The following HMGXB3 variants were observed in gnomAD, a reference collection of about 807,000 sequenced individuals.
HMGXB3 encodes HMG domain-containing protein 3.
In HMGXB3, 45 loss-of-function variants were observed where a neutral mutation model predicts 121.5. That is an observed-to-expected ratio of 0.37 (90% confidence interval 0.29 to 0.47). The LOEUF (loss-of-function observed/expected upper bound fraction) is 0.47. HMGXB3 is among the 20% of genes least tolerant of loss of function. The pLI, the probability that HMGXB3 is intolerant of heterozygous loss-of-function variation, is 0.99. For missense variants in HMGXB3, 1,376 were observed against 1,602.2 expected (o/e 0.86, Z 2.41); for synonymous variants, 590 against 624.1 (o/e 0.95, Z 0.81).
rs1013293942 is a variant in HMGXB3 at position 150,033,636 on chromosome 5, T to C, written c.1983+1033T>C. Among the ~76,000 whole-genome samples, 53 of 152,068 alleles carry C rather than the reference T, an allele frequency of 3.5e-4. 3 individuals are homozygous for C. Among genetic ancestry groups the C allele is most frequent in the Non-Finnish European group, 1.3e-4 (9 of 68,016 alleles). On this transcript the variant is annotated intron_variant, in intron 11 of 19. Transcript: ENST00000502717. ...TGGAACCATGTCATGGAAGGTCTTGTCAGTTTGTTCTTTAGTCAGTGGGGT... is the reference window on the plus strand; with the variant it reads ...TGGAACCATGTCATGGAAGGTCTTGCCAGTTTGTTCTTTAGTCAGTGGGGT...
intron 4 of HMGXB3, among the ~76,000 whole-genome samples, chr5:150,011,244 G>A (rs141093995): frequency 6.6e-6 from 1 of 152,334 alleles, no homozygotes; most frequent in East Asian, 1.9e-4. Flanking sequence ...CTGAGAAAGA[G>A]GAAGCAAGTT....
intron 6 of HMGXB3, among the ~76,000 whole-genome samples, chr5:150,020,844 A>G (rs989102142): frequency 6.6e-6 from 1 of 150,684 alleles, no homozygotes; most frequent in African/African-American, 2.5e-5. Context: ...GGTTCAAGTG[A>G]TCCTTATGTC....
intron 15 of HMGXB3, among the ~76,000 whole-genome samples, chr5:150,043,636 C>T (rs1560681): frequency 0.46 from 70,428 of 152,090 alleles, 19,460 homozygotes; most frequent in Non-Finnish European, 0.62. Flanking sequence ...AATCCGCTTG[C>T]CTAGTAGTAG....
intron 10 of HMGXB3, among the ~76,000 whole-genome samples, chr5:150,031,305 G>A (rs1030413078): frequency 1.3e-5 from 2 of 152,248 alleles, no homozygotes; most frequent in African/African-American, 4.8e-5. Context: ...TTCCCACAGG[G>A]TTTTCCCTTT....
chr5:150,010,988 T>G (rs920291563), intron 4 of HMGXB3, among the ~76,000 whole-genome samples: 4 of 152,230 alleles, frequency 2.6e-5, no homozygotes, highest in Non-Finnish European at 4.4e-5. Context: ...AAATGGGATT[T>G]CACTCTGTTG....
chr5:150,004,967 G>A lies in HMGXB3; in HGVS notation c.115G>A (p.Gly39Arg), dbSNP rs1755661713. The A allele has an allele frequency of 2.6e-6, 4 of 1,550,472 alleles. No individual in the cohort carries two copies. Among genetic ancestry groups the A allele is most frequent in the South Asian group, 1.2e-5 (1 of 83,562 alleles). ...GAAGAAGAAAAAGTATAAAATACAT[G>A]GAGAAAAGACAAAGAAACCCAGGTT... is the stretch of plus-strand genomic sequence containing the variant. ...PKKKKKYKIH[G>R]EKTKKPRSAY... The change falls in exon 2 of 20, where the codon GGA (glycine) becomes AGA (arginine). Residue 39 changes from glycine (G) to arginine (R), a missense_variant. Transcript: ENST00000502717.
rs1756976344 is a variant in HMGXB3, at chr5:150,053,035, G to T, written c.*843G>T. 1 of 169,312 alleles carries T rather than the reference G, an allele frequency of 5.9e-6. No individual in the cohort carries two copies. The highest frequency in any genetic ancestry group is 2.4e-5 in the African/African-American group (1 of 41,930). 10.5% of individuals were successfully genotyped at this position (169,312 alleles called of 1,614,324 possible). On this transcript the variant is annotated 3_prime_UTR_variant, in exon 20 of 20. Transcript: ENST00000502717. The stretch of plus-strand genomic sequence containing the variant: ...CTCAAGTGCCCAAGGTTTGTTTAGG[G>T]CCTGGGAATTGGCCATGTGTTAATT...
intron 18 of HMGXB3, among the ~76,000 whole-genome samples, chr5:150,049,214 C>T (rs1756831968): frequency 1.3e-5 from 2 of 152,126 alleles, no homozygotes; most frequent in African/African-American, 4.8e-5. Context: ...TGGAGGGCTC[C>T]CCCGGGGGGC....
Position 150,051,319 on chromosome 5 carries a change from CA to C in HMGXB3, c.3412-405del. On this transcript the variant is annotated intron_variant, in intron 19 of 19. Transcript: ENST00000502717. ...AAGGTTGAGTGCCCCAGCCAGGATG[CA>C]TTATAGGAAGTGAAGGCCTCTGGCT... Among the ~76,000 whole-genome samples the C allele has an allele frequency of 2.0e-5, 3 of 152,320 alleles. 1 individual carries two copies.
chr5:150,025,542 C>T (rs1423593807), intron 7 of HMGXB3, among the ~76,000 whole-genome samples: 1 of 151,686 alleles, frequency 6.6e-6, no homozygotes, highest in East Asian at 1.9e-4. Context: ...AACATACATA[C>T]TTCTACATCT....
At chr5:150,051,213 C>T (rs1756880743) in intron 19 of HMGXB3, among the ~76,000 whole-genome samples, 1 of 152,194 alleles carries the variant, frequency 6.6e-6, no homozygotes, top group African/African-American at 2.4e-5. Context: ...GTCATGTACC[C>T]TCCAAGGCCA....
chr5:150,025,689 T>C (rs1210595158), intron 7 of HMGXB3, among the ~76,000 whole-genome samples: 1 of 152,088 alleles, frequency 6.6e-6, no homozygotes, highest in Non-Finnish European at 1.5e-5. Flanking sequence ...CACCTCAGCC[T>C]CTGGAGTAGC....
intron 18 of HMGXB3, 57 bp downstream of exon 18, chr5:150,048,742 A>G: frequency 1.6e-6 from 2 of 1,227,178 alleles, no homozygotes; most frequent in South Asian, 1.3e-5. Flanking sequence ...AACTTCCCAT[A>G]CAGGGACTGA....
intron 6 of HMGXB3, chr5:150,021,930 C>G (rs771033920): frequency 2.1e-6 from 1 of 483,632 alleles, no homozygotes; most frequent in Non-Finnish European, 4.1e-6. Context: ...TTGGCTGCAG[C>G]GGGCTTCCTG....
intron 15 of HMGXB3, among the ~76,000 whole-genome samples, chr5:150,044,715 G>T (rs1756717131): frequency 6.6e-6 from 1 of 152,188 alleles, no homozygotes; most frequent in Admixed American, 6.5e-5. Context: ...TAGGAGTTTA[G>T]TTCATACAGC....
At chr5:150,026,961 G>C in intron 8 of HMGXB3, 59 bp from the exon 9 acceptor site, 1 of 1,537,004 alleles carries the variant, frequency 6.5e-7, no homozygotes, top group Non-Finnish European at 8.8e-7. Flanking sequence ...AACGGACATA[G>C]AGACTTGGGG....
At chr5:150,014,082 G>A (rs1390457971) in intron 5 of HMGXB3, among the ~76,000 whole-genome samples, 2 of 152,212 alleles carry the variant, frequency 1.3e-5, no homozygotes, top group Non-Finnish European at 2.9e-5. Context: ...AATTCAGGGT[G>A]CTAAACAACA....
At chr5:150,038,622 A>G (rs911048153) in intron 13 of HMGXB3, among the ~76,000 whole-genome samples, 4 of 151,752 alleles carry the variant, frequency 2.6e-5, no homozygotes, top group South Asian at 2.1e-4. Context: ...CTCTCCCCCA[A>G]CCTCTGGTAA....
chr5:150,012,152 A>C (rs927341662), intron 4 of HMGXB3, 103 bp from the exon 5 acceptor site: 2 of 758,902 alleles, frequency 2.6e-6, no homozygotes, highest in Non-Finnish European at 4.7e-6. Flanking sequence ...GGATGAGTAC[A>C]CTGTCTGTTA....
Sources: gnomAD v4.1 joint callset for allele counts (sites outside exome capture counted in the v4.1 genomes callset) on GRCh38, gnomAD v4.1.1 for gene constraint, MANE v1.5 for transcripts, NCBI Gene and HGNC (gene_info 2026-07-23, HGNC 2026-07-21) for gene names.